Variants in SLC44A1 observed in about 807,000 individuals in gnomAD.
The protein encoded by SLC44A1 is solute carrier family 44 member 1.
In SLC44A1, 26 loss-of-function variants were observed where a neutral mutation model predicts 79.3. That is an observed-to-expected ratio of 0.33 (90% CI 0.24 to 0.46). SLC44A1 has a LOEUF of 0.46. Ranked by LOEUF, SLC44A1 falls within the 20% of genes least tolerant of loss-of-function variation. The pLI, the probability that SLC44A1 is intolerant of heterozygous loss-of-function variation, is 1.00. For missense variants in SLC44A1, 688 were observed against 798.1 expected, an observed-to-expected ratio of 0.86 and a Z score of 1.66; for synonymous variants, 263 against 286.2, an observed-to-expected ratio of 0.92 and a Z score of 0.82.
chr9:105,389,859 C>T lies in SLC44A1; in HGVS notation c.*803C>T. 9 of 1,466,394 alleles carry T rather than the reference C, an allele frequency of 6.1e-6. No individual in the cohort carries two copies. Among genetic ancestry groups the T allele is most frequent in the Non-Finnish European group, 7.2e-6 (8 of 1,108,264 alleles). 90.8% of individuals were successfully genotyped at this position (1,466,394 alleles called of 1,614,324 possible). The stretch of plus-strand genomic sequence containing the variant: ...TGCCTGATTTGAAAGGAAGCTGGGG[C>T]ACCCAGCGAGTTTAGCCTTTAAGTT... On this transcript the variant is annotated 3_prime_UTR_variant, in exon 16 of 16. Transcript: ENST00000374720.
chr9:105,318,403 A>C (rs1386133894), intron 3 of SLC44A1, among the ~76,000 whole-genome samples: 5 of 151,462 alleles, frequency 3.3e-5, no homozygotes, highest in Non-Finnish European at 7.4e-5. Flanking sequence ...CCAGTCTTGA[A>C]CTCCTGACCT....
intron 4 of SLC44A1, among the ~76,000 whole-genome samples, chr9:105,339,906 A>G (rs1827034259): frequency 6.6e-6 from 1 of 152,184 alleles, no homozygotes; most frequent in Non-Finnish European, 1.5e-5. Context: ...AAAAGGAGGA[A>G]AGAATGTCAT....
chr9:105,387,049 A>AT (rs1828646592), intron 15 of SLC44A1, among the ~76,000 whole-genome samples: 1 of 51,566 alleles, frequency 1.9e-5, no homozygotes, highest in Admixed American at 2.6e-4. Flanking sequence ...AAAAAAAAAA[A>AT]AAAAAAAAAA....
At chr9:105,359,168 G>A (rs538968240) in intron 7 of SLC44A1, among the ~76,000 whole-genome samples, 17 of 151,932 alleles carry the variant, frequency 1.1e-4, no homozygotes, top group African/African-American at 3.9e-4. Flanking sequence ...TTACATTTAC[G>A]TTTTCCTGGA....
intron 15 of SLC44A1, among the ~76,000 whole-genome samples, chr9:105,432,602 A>T (rs1174063631): frequency 6.6e-6 from 1 of 152,214 alleles, no homozygotes; most frequent in Non-Finnish European, 1.5e-5. Flanking sequence ...TCCAAGATTG[A>T]TCCCTTTCTT....
intron 1 of SLC44A1, among the ~76,000 whole-genome samples, chr9:105,258,340 A>T (rs1472578395): frequency 6.6e-6 from 1 of 152,212 alleles, no homozygotes; most frequent in Non-Finnish European, 1.5e-5. Flanking sequence ...TTAAGTCATG[A>T]GCATATAGAA....
At chr9:105,288,278 T>A (rs999781723) in intron 1 of SLC44A1, among the ~76,000 whole-genome samples, 4 of 139,528 alleles carry the variant, frequency 2.9e-5, no homozygotes, top group African/African-American at 1.3e-4. Context: ...TATTGGATAG[T>A]TAATTTGTAA....
chr9:105,351,398 G>T (rs148165654), intron 5 of SLC44A1, among the ~76,000 whole-genome samples: 1 of 152,126 alleles, frequency 6.6e-6, no homozygotes, highest in African/African-American at 2.4e-5. Flanking sequence ...GCTGGGTATG[G>T]TGGTGCATGC....
At chr9:105,276,719 G>A (rs564209222) in intron 1 of SLC44A1, among the ~76,000 whole-genome samples, 1 of 152,034 alleles carries the variant, frequency 6.6e-6, no homozygotes, top group East Asian at 1.9e-4. Context: ...CAGGCAGAAG[G>A]AATAGCAAGT....
At chr9:105,316,959 G>T (rs535728638) in intron 3 of SLC44A1, among the ~76,000 whole-genome samples, 3 of 152,310 alleles carry the variant, frequency 2.0e-5, no homozygotes, top group East Asian at 3.9e-4. Flanking sequence ...GGCTTAGCTG[G>T]TTGCTGTGGG....
chr9:105,385,553 C>CCTCTCT lies in SLC44A1; in HGVS notation c.1950+58_1950+63dup. Reference sequence around the variant, plus strand: ...CCCTCCAAGAATTTCACTTTCACTTCCTCTCTCTCTCTGTCTTCACTGACT... The same window carrying CCTCTCT: ...CCCTCCAAGAATTTCACTTTCACTTCCTCTCTCTCTCTCTCTCTGTCTTCACTGACT... On this transcript the variant is annotated intron_variant, in intron 15 of 15. Transcript: ENST00000374720. 1.9e-6 allele frequency: 3 copies of CCTCTCT among 1,546,228 alleles called. No homozygotes were observed. The South Asian group carries it at 3.6e-5, about 18-fold the overall frequency.
At chr9:105,385,220 A>G (rs1030892162) in intron 14 of SLC44A1, among the ~76,000 whole-genome samples, 1 of 152,154 alleles carries the variant, frequency 6.6e-6, no homozygotes, top group Non-Finnish European at 1.5e-5. Context: ...TGGAAAGAAG[A>G]TTTTTTTAAT....
chr9:105,366,769 A>G (rs529540478), intron 12 of SLC44A1, among the ~76,000 whole-genome samples: 1 of 151,882 alleles, frequency 6.6e-6, no homozygotes, highest in African/African-American at 2.4e-5. Flanking sequence ...CTTAATTCAC[A>G]TTCCTTCATT....
At chr9:105,385,828 C>T in intron 15 of SLC44A1, 1 of 985,422 alleles carries the variant, frequency 1.0e-6, no homozygotes, top group Non-Finnish European at 1.2e-6. Context: ...GTTTGGCTTT[C>T]ATCAGACTGA....
At chr9:105,358,631 C>G (rs927479037) in intron 7 of SLC44A1, among the ~76,000 whole-genome samples, 198 bp downstream of exon 7, 15 of 151,990 alleles carry the variant, frequency 9.9e-5, no homozygotes, top group African/African-American at 2.9e-4. Context: ...AAGTTGAGAC[C>G]TTTTTTCTAT....
chr9:105,283,830 A>G (rs1162474487), intron 1 of SLC44A1, among the ~76,000 whole-genome samples: 2 of 152,034 alleles, frequency 1.3e-5, no homozygotes, highest in Non-Finnish European at 2.9e-5. Flanking sequence ...CCATTGCTCT[A>G]TTGCTTTATT....
intron 8 of SLC44A1, among the ~76,000 whole-genome samples, chr9:105,362,402 G>A (rs1250062770): frequency 1.3e-5 from 2 of 152,124 alleles, no homozygotes; most frequent in Admixed American, 1.3e-4. Flanking sequence ...GGGGTGGGAG[G>A]AGGCAAAGGG....
At chr9:105,310,321 T>C (rs1831143663) in intron 3 of SLC44A1, among the ~76,000 whole-genome samples, 1 of 152,184 alleles carries the variant, frequency 6.6e-6, no homozygotes, top group African/African-American at 2.4e-5. Context: ...TTTCCAACTT[T>C]ATAAAAGATA....
chr9:105,282,241 T>C (rs78834668), intron 1 of SLC44A1, among the ~76,000 whole-genome samples: 2 of 96,450 alleles, frequency 2.1e-5, no homozygotes, highest in African/African-American at 1.3e-4. Context: ...TCTTGGTTGC[T>C]TTTTTTTTTT....
Sources: gnomAD v4.1 joint callset for allele counts (sites outside exome capture counted in the v4.1 genomes callset) on GRCh38, gnomAD v4.1.1 for gene constraint, MANE v1.5 for transcripts, NCBI Gene and HGNC (gene_info 2026-07-23, HGNC 2026-07-21) for gene names.